ASAH1: variants seen among roughly 807,000 people sequenced by gnomAD.
The protein encoded by ASAH1 is N-acylsphingosine amidohydrolase 1.
A neutral mutation model predicts 59.5 loss-of-function variants in ASAH1; 70 were observed. The observed-to-expected ratio is 1.18, with a 90% CI of 0.97 to 1.43. The LOEUF (loss-of-function observed/expected upper bound fraction) is 1.43, where lower values mean the gene tolerates loss of function less well. Among genes scored for constraint, ASAH1 ranks in the 40% most tolerant of loss-of-function variants. The pLI, the probability that ASAH1 is intolerant of heterozygous loss-of-function variation, is 0.00. For synonymous variants in ASAH1, 213 were observed against 166.5 expected, an observed-to-expected ratio of 1.28 and a Z score of -2.15; for missense variants, 660 against 482.5, an observed-to-expected ratio of 1.37 and a Z score of -3.45.
chr8:18,071,548 A>G, intron 2 of ASAH1, 158 bp from the exon 3 acceptor site: 1 of 601,916 alleles, frequency 1.7e-6, no homozygotes, highest in South Asian at 1.7e-5. Flanking sequence ...TTCTCTACCT[A>G]GTGCTTCTAG....
chr8:18,062,843 C>G lies in ASAH1; in HGVS notation c.503+342G>C, dbSNP rs1647464091. On this transcript the variant is annotated intron_variant, in intron 7 of 13. Coordinates refer to ENST00000637790, the MANE Select transcript of ASAH1 (RefSeq NM_177924.5). ...ATCAATATAACACAACCTACTCTTC[C>G]TACAGACCAAAACAGTTCTGTGTTC... 3 of 336,054 alleles carry G rather than the reference C, an allele frequency of 8.9e-6. No individual in the cohort carries two copies. The Admixed American group carries it at 1.4e-4, about 16-fold the overall frequency. 20.8% of individuals were successfully genotyped at this position (336,054 alleles called of 1,614,324 possible). A position where few individuals can be genotyped will look rare whatever the true frequency, so the allele number is the denominator to read the frequency against.
intron 3 of ASAH1, among the ~76,000 whole-genome samples, chr8:18,070,207 T>C (rs1192472126): frequency 2.0e-5 from 3 of 152,046 alleles, no homozygotes; most frequent in Non-Finnish European, 2.9e-5. Context: ...CGGAGTGCAA[T>C]GGCACGATCT....
rs113984528 is a variant in ASAH1 at position 18,067,348 on chromosome 8, A to G, written c.304-50T>C. The G allele has an allele frequency of 3.2e-4, 345 of 1,081,878 alleles. 6 individuals carry two copies. In the African/African-American group the frequency reaches 4.6e-3, roughly 14 times the overall value. 67.0% of individuals were successfully genotyped at this position (1,081,878 alleles called of 1,614,324 possible). Reference sequence around the variant, plus strand: ...AGCATTTAACATAATAACAATAAAAAATATATAATATAATATAAACAAATA... The same window carrying G: ...AGCATTTAACATAATAACAATAAAAGATATATAATATAATATAAACAAATA... On this transcript the variant is annotated intron_variant, in intron 4 of 13. Coordinates refer to ENST00000637790, the MANE Select transcript of ASAH1 (RefSeq NM_177924.5).
At chr8:18,082,291 G>A (rs576753348) in intron 1 of ASAH1, among the ~76,000 whole-genome samples, 224 of 152,206 alleles carry the variant, frequency 1.5e-3, no homozygotes, top group Non-Finnish European at 1.8e-3. Context: ...TAAAGCTATT[G>A]AGAAAGAAGA....
intron 7 of ASAH1, 143 bp from the exon 8 acceptor site, chr8:18,062,566 T>TA: frequency 1.1e-6 from 1 of 934,804 alleles, no homozygotes; most frequent in East Asian, 2.6e-5. Context: ...CAATATGGTA[T>TA]ATTTATTCTG....
chr8:18,062,104 C>T, intron 8 of ASAH1, 175 bp downstream of exon 8: 2 of 852,870 alleles, frequency 2.3e-6, no homozygotes, highest in Non-Finnish European at 3.6e-6. Flanking sequence ...CCTCCGTTTC[C>T]TTTCTACTCT....
chr8:18,064,277 G>GTC, intron 6 of ASAH1, 180 bp downstream of exon 6: 1 of 630,950 alleles, frequency 1.6e-6, no homozygotes, highest in Non-Finnish European at 2.8e-6. Context: ...CAGTACAGTA[G>GTC]TCTGAAAATA....
At chr8:18,084,395 C>G, upstream of ASAH1, 2 of 1,397,736 alleles carry the variant, frequency 1.4e-6, no homozygotes, top group Non-Finnish European at 1.9e-6. Flanking sequence ...TAGGTGGGGC[C>G]GGGAGCTTCA....
Position 18,069,815 on chromosome 8 carries a change from T to A in ASAH1, c.280A>T (p.Met94Leu). Reference sequence around the variant, plus strand: ...ACCAATTTTTCATCCACCACCTGCATAATTTTTCCACTTGGCACGAATGTA... The same window carrying A: ...ACCAATTTTTCATCCACCACCTGCAAAATTTTTCCACTTGGCACGAATGTA... ...INTFVPSGKI[M>L]QVVDEKLPGL... Residue 94 changes from methionine to leucine, a missense_variant, in exon 4 of 14, where the codon ATG becomes TTG. Met to Leu is a conservative substitution (Grantham distance 15). Transcript: ENST00000637790. 1.3e-6 allele frequency: 2 copies of A among 1,588,456 alleles called. No individual in the cohort carries two copies. The highest frequency in any genetic ancestry group is 3.3e-4 in the Middle Eastern group (2 of 6,016).
chr8:18,067,400 T>A (rs913251091), intron 4 of ASAH1, 102 bp from the exon 5 acceptor site: 1 of 721,812 alleles, frequency 1.4e-6, no homozygotes, highest in Non-Finnish European at 1.9e-6. Context: ...TGAAATCTAG[T>A]TCTTGGACAT....
chr8:18,073,225 C>A lies in ASAH1; in HGVS notation c.126-1835G>T, dbSNP rs7461977. On this transcript the variant is annotated intron_variant, in intron 2 of 13. Coordinates refer to ENST00000637790, the MANE Select transcript of ASAH1 (RefSeq NM_177924.5). ...TTTCAGTATTTAACTTGTGCGCCTC[C>A]ATTTCCCCATAAGAATAAAAGAGTA... 662,113 of 1,453,046 alleles carry A rather than the reference C, an allele frequency of 0.46. 161,748 individuals are homozygous for A. The highest frequency in any genetic ancestry group is 0.59 in the Admixed American group (31,150 of 53,044). 90.0% of individuals were successfully genotyped at this position (1,453,046 alleles called of 1,614,324 possible). A position where few individuals can be genotyped will look rare whatever the true frequency, so the allele number is the denominator to read the frequency against.
intron 10 of ASAH1, 87 bp downstream of exon 10, chr8:18,061,290 T>C (rs1009652731): frequency 1.7e-6 from 2 of 1,196,312 alleles, no homozygotes; most frequent in Non-Finnish European, 2.4e-6. Flanking sequence ...CCTCAAAGGA[T>C]TAAGCTGGAG....
upstream of ASAH1, chr8:18,084,749 G>T (rs142522145): frequency 1.6e-5 from 26 of 1,613,708 alleles, no homozygotes; most frequent in African/African-American, 3.5e-4. Context: ...ACTTGGGTAG[G>T]AGGCCCGGTG....
rs1209180338 is a variant in ASAH1, at chr8:18,062,200, A to G, written c.648+79T>C. 5.0e-6 allele frequency: 8 copies of G among 1,593,580 alleles called. No individual in the cohort carries two copies. The Admixed American group carries it at 1.2e-4, about 23-fold the overall frequency. ...CTTCATATTCCCTTTAGGTCCTCAT[A>G]TTCTTAGATTTCAACTTTTACATAA... On this transcript the variant is annotated intron_variant, in intron 8 of 13. Transcript: ENST00000637790.
At chr8:18,062,784 T>C (rs1799759867) in intron 7 of ASAH1, 3 of 382,602 alleles carry the variant, frequency 7.8e-6, no homozygotes, top group South Asian at 4.9e-5. Flanking sequence ...TCACTTATGA[T>C]CACATTTTGG....
chr8:18,064,229 TCCAGGTTTTTTGCATGTCTGAAA>T, intron 6 of ASAH1: 1 of 585,312 alleles, frequency 1.7e-6, no homozygotes, highest in Admixed American at 3.1e-5. Context: ...CAACATTTCT[TCCAGGTTTTTTGCATGTCTGAAA>T]TCAACTTTAA....
At chr8:18,069,194 A>C (rs1457075223) in intron 4 of ASAH1, among the ~76,000 whole-genome samples, 3 of 151,836 alleles carry the variant, frequency 2.0e-5, no homozygotes, top group African/African-American at 7.3e-5. Flanking sequence ...TAATGCCCAA[A>C]ATCTGCCATC....
intron 10 of ASAH1, chr8:18,060,339 G>A (rs996029780): frequency 6.5e-6 from 1 of 154,142 alleles, no homozygotes; most frequent in Non-Finnish European, 1.4e-5. Flanking sequence ...TCTGGGAAAA[G>A]CAATCCCTGA....
chr8:18,074,063 G>A (rs1390820322), intron 2 of ASAH1, among the ~76,000 whole-genome samples: 1 of 152,202 alleles, frequency 6.6e-6, no homozygotes, highest in Non-Finnish European at 1.5e-5. Flanking sequence ...AAGGTTTATG[G>A]TTTGCAGGGC....
Sources: gnomAD v4.1 joint callset for allele counts (sites outside exome capture counted in the v4.1 genomes callset) on GRCh38, gnomAD v4.1.1 for gene constraint, MANE v1.5 for transcripts, NCBI Gene and HGNC (gene_info 2026-07-23, HGNC 2026-07-21) for gene names.